SHLD2: variants seen among roughly 807,000 people sequenced by gnomAD.
SHLD2 encodes RINN1-REV7-interacting novel NHEJ regulator 2.
SHLD2 carries 30 observed loss-of-function variants against 73.2 expected under a neutral mutation model. The ratio of observed to expected loss-of-function variants is 0.41; its 90% confidence interval spans 0.31 to 0.56. The LOEUF (loss-of-function observed/expected upper bound fraction) is 0.56. SHLD2 is among the 20% of genes least tolerant of loss of function. The pLI, the probability that SHLD2 is intolerant of heterozygous loss-of-function variation, is 0.28. For synonymous variants in SHLD2, 285 were observed against 370.1 expected (o/e 0.77, Z 2.64); for missense variants, 745 against 1,055.9 (o/e 0.71, Z 4.08).
chr10:87,163,273 G>T (rs9421602), intron 4 of SHLD2, among the ~76,000 whole-genome samples: 4 of 152,192 alleles, frequency 2.6e-5, no homozygotes, highest in African/African-American at 9.6e-5. Context: ...AAAATACCTC[G>T]GTTTATTTGT....
chr10:87,123,849 G>A (rs180815120), intron 2 of SHLD2, among the ~76,000 whole-genome samples: 365 of 152,322 alleles, frequency 2.4e-3, no homozygotes, highest in Middle Eastern at 0.017. Context: ...TTTGAGGATA[G>A]TTATCTAAAA....
intron 9 of SHLD2, among the ~76,000 whole-genome samples, chr10:87,189,373 C>T (rs907187950): frequency 2.0e-4 from 30 of 152,200 alleles, no homozygotes; most frequent in Admixed American, 3.9e-4. Flanking sequence ...ATCACATATA[C>T]TTCAGTGTTT....
intron 8 of SHLD2, among the ~76,000 whole-genome samples, chr10:87,181,534 C>T (rs770763657): frequency 6.6e-5 from 10 of 152,184 alleles, no homozygotes; most frequent in South Asian, 2.1e-4. Context: ...AAATGTTGCT[C>T]AATACTATTC....
intron 2 of SHLD2, among the ~76,000 whole-genome samples, chr10:87,144,616 ATTTTTTTTTTTTT>A (rs548218721): frequency 0.031 from 2,750 of 89,594 alleles, 53 homozygotes; most frequent in Middle Eastern, 0.055. Context: ...GCATTTACTA[ATTTTTTTTTTTTT>A]TTTTTTTTTT....
intron 6 of SHLD2, among the ~76,000 whole-genome samples, chr10:87,173,239 G>T (rs984048509): frequency 1.5e-4 from 23 of 151,756 alleles, no homozygotes; most frequent in Admixed American, 1.2e-3. Flanking sequence ...TGTTGGCCAG[G>T]CTGGTCTCGA....
At chr10:87,185,071 A>G (rs1848533428) in intron 8 of SHLD2, among the ~76,000 whole-genome samples, 1 of 152,002 alleles carries the variant, frequency 6.6e-6, no homozygotes, top group African/African-American at 2.4e-5. Flanking sequence ...ATTAGCAGTC[A>G]CTCTCCATTC....
intron 2 of SHLD2, among the ~76,000 whole-genome samples, chr10:87,125,439 T>C (rs1227661134): frequency 1.3e-5 from 2 of 152,156 alleles, no homozygotes; most frequent in African/African-American, 4.8e-5. Context: ...TTTTAACTTA[T>C]AATTCTCAGT....
intron 2 of SHLD2, among the ~76,000 whole-genome samples, chr10:87,142,859 AC>A (rs532185798): frequency 7.7e-4 from 113 of 147,130 alleles, no homozygotes; most frequent in African/African-American, 2.8e-3. Context: ...TGGCAGGCAT[AC>A]CCCTGGCACC....
chr10:87,117,619 C>T (rs553774292), intron 2 of SHLD2, among the ~76,000 whole-genome samples: 1 of 152,104 alleles, frequency 6.6e-6, no homozygotes, highest in Admixed American at 6.5e-5. Flanking sequence ...CATGGCAAAA[C>T]CTTGTTTCTA....
Position 87,175,888 on chromosome 10 carries a change from G to A in SHLD2, c.1964-1G>A. 6.5e-7 allele frequency: 1 copy of A among 1,548,060 alleles called. No individual in the cohort carries two copies. The highest frequency in any genetic ancestry group is 8.7e-7 in the Non-Finnish European group (1 of 1,146,078). On this transcript the variant is annotated splice_acceptor_variant, in intron 6 of 9. Coordinates refer to ENST00000298786, the MANE Select transcript of SHLD2 (RefSeq NM_001330112.2). LOFTEE classifies it high-confidence loss of function. ...CTTTTGTTTTTACTGTTTTTTTTAA[G>A]GTTATATTTGGGAATTTAAATATCT...
At position 87,137,052 on chromosome 10, in the gene SHLD2, A is replaced by G. The variant is rs1844848131; in HGVS notation, c.-5-14298A>G. On this transcript the variant is annotated intron_variant, in intron 2 of 9. Coordinates refer to ENST00000298786, the MANE Select transcript of SHLD2 (RefSeq NM_001330112.2). ...TATTACTTAATTTAATAAGTAATCT[A>G]TTTTTATATAAAATGTCTGGTGTGT... Among the ~76,000 whole-genome samples the G allele has an allele frequency of 2.0e-5, 3 of 152,298 alleles. 1 individual carries two copies. In the South Asian group the frequency reaches 6.2e-4, roughly 32 times the overall value.
chr10:87,108,620 T>C (rs1312535209), intron 2 of SHLD2, among the ~76,000 whole-genome samples: 1 of 152,210 alleles, frequency 6.6e-6, no homozygotes, highest in Non-Finnish European at 1.5e-5. Context: ...CATTTCTAAA[T>C]AACTAAAATT....
At position 87,132,638 on chromosome 10, in the gene SHLD2, G is replaced by C. The variant is rs533004591; in HGVS notation, c.-5-18712G>C. Among the ~76,000 whole-genome samples the C allele has an allele frequency of 5.3e-5, 8 of 152,140 alleles. No homozygotes were observed. In the South Asian group the frequency reaches 1.7e-3, roughly 32 times the overall value. ...AAAAATGAAAAATTAACCAGGCTTGGTGGTGCGTGCCTGTACTCCTAGCTA... is the reference window on the plus strand; with the variant it reads ...AAAAATGAAAAATTAACCAGGCTTGCTGGTGCGTGCCTGTACTCCTAGCTA... On this transcript the variant is annotated intron_variant, in intron 2 of 9. Coordinates refer to ENST00000298786, the MANE Select transcript of SHLD2 (RefSeq NM_001330112.2).
chr10:87,154,536 A>G (rs1217345461), intron 3 of SHLD2, among the ~76,000 whole-genome samples: 1 of 151,864 alleles, frequency 6.6e-6, no homozygotes, highest in Non-Finnish European at 1.5e-5. Flanking sequence ...GTAAGCCACC[A>G]TGCCTGGCTA....
At chr10:87,127,843 C>A (rs1844146113) in intron 2 of SHLD2, among the ~76,000 whole-genome samples, 1 of 151,840 alleles carries the variant, frequency 6.6e-6, no homozygotes, top group South Asian at 2.1e-4. Flanking sequence ...GGAGCAGAAG[C>A]ACAGAAACCC....
intron 2 of SHLD2, among the ~76,000 whole-genome samples, chr10:87,107,070 A>AT (rs1416582997): frequency 1.4e-5 from 2 of 145,750 alleles, no homozygotes; most frequent in East Asian, 4.0e-4. Context: ...TTTTCTATAG[A>AT]TATTAATCTA....
At chr10:87,177,740 T>TA in intron 7 of SHLD2, among the ~76,000 whole-genome samples, 1 of 152,170 alleles carries the variant, frequency 6.6e-6, no homozygotes, top group Non-Finnish European at 1.5e-5. Context: ...GGGATGAGGC[T>TA]AGGCCTGAGT....
chr10:87,164,923 A>G (rs935737867), intron 4 of SHLD2, among the ~76,000 whole-genome samples: 3 of 152,082 alleles, frequency 2.0e-5, no homozygotes, highest in Admixed American at 6.5e-5. Flanking sequence ...TCAGTGGTTC[A>G]TGCCTATAAT....
rs747601444 is a variant in SHLD2, at chr10:87,112,390, G to A, written c.-6+15401G>A. On this transcript the variant is annotated intron_variant, in intron 2 of 9. Transcript: ENST00000298786. ...AATAAAAATCACAGTGAGGCCAGGT[G>A]TAGTGGCTCATTGCCTATAATCCCA... Among the ~76,000 whole-genome samples, 25 of 152,288 alleles carry A rather than the reference G, an allele frequency of 1.6e-4. 1 individual carries two copies. The Middle Eastern group carries it at 0.01, about 62-fold the overall frequency.
Sources: allele counts gnomAD v4.1 joint callset (sites outside exome capture counted in the v4.1 genomes callset), GRCh38; gene constraint gnomAD v4.1.1; transcripts MANE v1.5; gene names NCBI Gene and HGNC (gene_info 2026-07-23, HGNC 2026-07-21).